Variants in PCDHA3 observed in about 807,000 individuals in gnomAD.
The protein encoded by PCDHA3 is protocadherin alpha-3.
In PCDHA3, 41 loss-of-function variants were observed where a neutral mutation model predicts 62.2. That is an observed-to-expected ratio of 0.66 (90% CI 0.51 to 0.86). The LOEUF (loss-of-function observed/expected upper bound fraction) is 0.86. Among genes scored for constraint, PCDHA3 ranks in the 40% least tolerant of loss-of-function variants. The probability of loss-of-function intolerance (pLI) is 0.00; values close to 1 mark genes in which losing one functional copy is unlikely to be tolerated. For synonymous variants in PCDHA3, 640 were observed against 555.4 expected, an observed-to-expected ratio of 1.15 and a Z score of -2.14; for missense variants, 1,304 against 1,241.2, an observed-to-expected ratio of 1.05 and a Z score of -0.76.
chr5:140,843,735 G>A lies in PCDHA3; in HGVS notation c.2394+40144G>A. On this transcript the variant is annotated intron_variant, in intron 1 of 3. Coordinates refer to ENST00000522353, the MANE Select transcript of PCDHA3 (RefSeq NM_018906.3). ...CTCAAAGTAAGTCCATTTAAATTTA[G>A]AACTCATAAATTCTATTTGTGGAAA... The A allele has an allele frequency of 1.9e-6, 3 of 1,548,326 alleles. 1 individual carries two copies. The highest frequency in any genetic ancestry group is 2.7e-6 in the Non-Finnish European group (3 of 1,128,282).
intron 1 of PCDHA3, among the ~76,000 whole-genome samples, chr5:140,917,473 C>G (rs1355146896): frequency 1.3e-5 from 2 of 152,196 alleles, no homozygotes; most frequent in Admixed American, 1.3e-4. Flanking sequence ...GTCATGAAAT[C>G]TTTGCCAGGG....
At chr5:140,927,183 C>T (rs1554204140) in intron 1 of PCDHA3, 12 of 1,614,160 alleles carry the variant, frequency 7.4e-6, no homozygotes, top group Non-Finnish European at 1.0e-5. Context: ...TCTTGACCTA[C>T]GACCTGGTGC....
At chr5:140,967,051 G>C in intron 1 of PCDHA3, 2 of 1,612,562 alleles carry the variant, frequency 1.2e-6, no homozygotes, top group Non-Finnish European at 1.7e-6. Context: ...TGGACCTGAC[G>C]AGTGGAGCGC....
At chr5:140,869,631 G>A in intron 1 of PCDHA3, 1 of 1,613,652 alleles carries the variant, frequency 6.2e-7, no homozygotes, top group Non-Finnish European at 8.5e-7. Context: ...GTAAAAATGA[G>A]TATTTTTCTT....
intron 1 of PCDHA3, among the ~76,000 whole-genome samples, chr5:140,963,510 G>A (rs536524403): frequency 1.8e-4 from 28 of 152,328 alleles, no homozygotes; most frequent in Non-Finnish European, 2.8e-4. Flanking sequence ...TCTTGAAGGG[G>A]TTCTCATAAC....
At chr5:140,850,677 A>G (rs2150493410) in intron 1 of PCDHA3, 1 of 1,598,454 alleles carries the variant, frequency 6.3e-7, no homozygotes. Flanking sequence ...GGCGATGCCC[A>G]CCGAGGGCGA....
At chr5:140,808,820 C>T (rs1298867948) in intron 1 of PCDHA3, 3 of 1,612,966 alleles carry the variant, frequency 1.9e-6, no homozygotes, top group Non-Finnish European at 2.5e-6. Flanking sequence ...CGTGCCACCT[C>T]TGGGCAGCAA....
chr5:140,821,665 G>A, intron 1 of PCDHA3: 1 of 1,236,776 alleles, frequency 8.1e-7, no homozygotes, highest in Non-Finnish European at 1.1e-6. Flanking sequence ...GCTGTGCCAA[G>A]AAGCTCAGAA....
chr5:140,897,806 CA>C (rs1351917169), intron 1 of PCDHA3, among the ~76,000 whole-genome samples: 11 of 152,166 alleles, frequency 7.2e-5, no homozygotes, highest in African/African-American at 2.7e-4. Flanking sequence ...GTCCCACCAA[CA>C]GTGTAAAAGT....
chr5:141,010,506 C>A lies in PCDHA3; in HGVS notation c.*569C>A. ...CTTAAAGGGACCAGACTTTCTAAAT[C>A]TTACAACTCAAGAGGTGGCAGCCAC... is the stretch of plus-strand genomic sequence containing the variant. On this transcript the variant is annotated 3_prime_UTR_variant, in exon 4 of 4. Transcript: ENST00000522353. 1 of 549,534 alleles carries A rather than the reference C, an allele frequency of 1.8e-6. No homozygotes were observed. The highest frequency in any genetic ancestry group is 2.9e-6 in the Non-Finnish European group (1 of 344,162). 34.0% of individuals were successfully genotyped at this position (549,534 alleles called of 1,614,324 possible). A position where few individuals can be genotyped will look rare whatever the true frequency, so the allele number is the denominator to read the frequency against.
At chr5:140,965,538 A>G (rs1554227750) in intron 1 of PCDHA3, among the ~76,000 whole-genome samples, 1 of 151,958 alleles carries the variant, frequency 6.6e-6, no homozygotes, top group Non-Finnish European at 1.5e-5. Flanking sequence ...TGGAATCCAA[A>G]TTCCAGCCTG....
Position 140,831,077 on chromosome 5 carries a change from G to A in PCDHA3, c.2394+27486G>A, listed in dbSNP as rs2150191421. The A allele has an allele frequency of 5.9e-5, 9 of 152,244 alleles. No individual in the cohort carries two copies. The South Asian group carries it at 8.3e-4, about 14-fold the overall frequency. The allele number at this position is 152,244 out of a possible 1,614,324, so 9.4% of individuals were successfully genotyped here. ...ATTGTCCCCCTTTTAAACCATTGAG[G>A]AATAAAGGACAAAAACAATAGTTAT... On this transcript the variant is annotated intron_variant, in intron 1 of 3. Coordinates refer to ENST00000522353, the MANE Select transcript of PCDHA3 (RefSeq NM_018906.3).
chr5:140,989,237 A>C (rs2097333860), intron 3 of PCDHA3, among the ~76,000 whole-genome samples: 1 of 152,172 alleles, frequency 6.6e-6, no homozygotes, highest in African/African-American at 2.4e-5. Flanking sequence ...CTGAAGTTTT[A>C]AGCCCCTTGT....
Position 140,850,965 on chromosome 5 carries a change from G to C in PCDHA3, c.2394+47374G>C, listed in dbSNP as rs200912451. 36 of 1,464,074 alleles carry C rather than the reference G, an allele frequency of 2.5e-5. 1 individual carries two copies. In the Middle Eastern group the frequency reaches 5.9e-4, roughly 24 times the overall value. 90.7% of individuals were successfully genotyped at this position (1,464,074 alleles called of 1,614,324 possible). A position where few individuals can be genotyped will look rare whatever the true frequency, so the allele number is the denominator to read the frequency against. On this transcript the variant is annotated intron_variant, in intron 1 of 3. Transcript: ENST00000522353. Reference sequence around the variant, plus strand: ...ATATTATCGATTACTCCCAGGGGCCGTTCAAATAGTTTTATTCATTTTTCT... The same window carrying C: ...ATATTATCGATTACTCCCAGGGGCCCTTCAAATAGTTTTATTCATTTTTCT...
At chr5:140,877,686 G>C in intron 1 of PCDHA3, 1 of 1,613,818 alleles carries the variant, frequency 6.2e-7, no homozygotes, top group South Asian at 1.1e-5. Context: ...GCAAGCCCAC[G>C]CTGGTGTGCT....
At chr5:140,932,728 T>C (rs2088582843) in intron 1 of PCDHA3, among the ~76,000 whole-genome samples, 1 of 151,886 alleles carries the variant, frequency 6.6e-6, no homozygotes, top group African/African-American at 2.4e-5. Context: ...TTGTATAATA[T>C]AGACCCTCAA....
At chr5:140,834,812 G>A in intron 1 of PCDHA3, 1 of 1,612,600 alleles carries the variant, frequency 6.2e-7, no homozygotes, top group African/African-American at 1.3e-5. Flanking sequence ...TGTTCATCGC[G>A]GAATCCAGGC....
At chr5:140,943,500 G>C (rs907493905) in intron 1 of PCDHA3, among the ~76,000 whole-genome samples, 1 of 152,048 alleles carries the variant, frequency 6.6e-6, no homozygotes, top group Admixed American at 6.6e-5. Context: ...TGCTATCAAG[G>C]TTCATGGAAA....
At chr5:140,970,442 A>G (rs1003756532) in intron 1 of PCDHA3, among the ~76,000 whole-genome samples, 3 of 152,182 alleles carry the variant, frequency 2.0e-5, no homozygotes, top group Non-Finnish European at 4.4e-5. Flanking sequence ...TAGTATATGC[A>G]CTAGTTTTGA....
Sources: allele counts gnomAD v4.1 joint callset (sites outside exome capture counted in the v4.1 genomes callset), GRCh38; gene constraint gnomAD v4.1.1; transcripts MANE v1.5; gene names NCBI Gene and HGNC (gene_info 2026-07-23, HGNC 2026-07-21).